Variants in SRP72 observed in about 807,000 individuals in gnomAD.
SRP72 encodes the protein signal recognition particle 72.
In SRP72, 49 loss-of-function variants were observed where a neutral mutation model predicts 96.3. The ratio of observed to expected loss-of-function variants is 0.51; its 90% confidence interval spans 0.40 to 0.65. The LOEUF is 0.65. Among genes scored for constraint, SRP72 ranks in the 30% least tolerant of loss-of-function variants. The pLI is 0.00. For missense variants in SRP72, 736 were observed against 793.3 expected, an observed-to-expected ratio of 0.93 and a Z score of 0.87; for synonymous variants, 267 against 275.2, an observed-to-expected ratio of 0.97 and a Z score of 0.30.
intron 11 of SRP72, among the ~76,000 whole-genome samples, chr4:56,487,552 C>T (rs943488258): frequency 1.3e-5 from 2 of 152,036 alleles, no homozygotes; most frequent in African/African-American, 4.8e-5. Flanking sequence ...GAATTTAACA[C>T]CATAGGAAAT....
At chr4:56,470,537 C>CA (rs753714537) in intron 2 of SRP72, among the ~76,000 whole-genome samples, 50,713 of 129,582 alleles carry the variant, frequency 0.39, 9,149 homozygotes, top group East Asian at 0.67. Context: ...GACTCCGTCT[C>CA]AAAAAAAAAA....
chr4:56,493,685 T>G (rs918292486), intron 16 of SRP72, among the ~76,000 whole-genome samples: 1 of 151,886 alleles, frequency 6.6e-6, no homozygotes, highest in Non-Finnish European at 1.5e-5. Context: ...GACAACATGG[T>G]GAAACCCCCA....
intron 13 of SRP72, 114 bp from the exon 14 acceptor site, chr4:56,490,219 A>C: frequency 1.3e-6 from 1 of 748,476 alleles, no homozygotes. Flanking sequence ...AGTGAAACTT[A>C]AGATGAGGGA....
chr4:56,488,353 T>G (rs1720791923), intron 12 of SRP72, among the ~76,000 whole-genome samples: 1 of 152,238 alleles, frequency 6.6e-6, no homozygotes, highest in African/African-American at 2.4e-5. Flanking sequence ...CCAACAAATT[T>G]AGTTTTTAGT....
chr4:56,467,773 G>GGCAGGGGGGGGGC, intron 1 of SRP72, 29 bp downstream of exon 1: 2 of 1,078,594 alleles, frequency 1.9e-6, no homozygotes, highest in Non-Finnish European at 2.6e-6. Context: ...ACTGGGGCGG[G>GGCAGGGGGGGGGC]CCCAGGCCGG....
intron 5 of SRP72, 144 bp from the exon 6 acceptor site, chr4:56,476,527 A>G: frequency 1.3e-6 from 1 of 781,130 alleles, no homozygotes; most frequent in Non-Finnish European, 2.1e-6. Context: ...AGTATATTTG[A>G]TGCTAATGTA....
chr4:56,496,214 AG>A (rs1264859988), intron 17 of SRP72, among the ~76,000 whole-genome samples: 3 of 152,204 alleles, frequency 2.0e-5, no homozygotes, highest in African/African-American at 7.2e-5. Flanking sequence ...CATATAAATC[AG>A]GTTATTTCTT....
intron 1 of SRP72, among the ~76,000 whole-genome samples, chr4:56,468,638 C>G (rs1719848078): frequency 6.6e-6 from 1 of 152,006 alleles, no homozygotes; most frequent in Non-Finnish European, 1.5e-5. Context: ...GCAAAGCTAT[C>G]TAAGTAATTT....
intron 17 of SRP72, among the ~76,000 whole-genome samples, chr4:56,498,636 CAGAG>C (rs1721158826): frequency 6.6e-6 from 1 of 152,096 alleles, no homozygotes. Flanking sequence ...AGTAGACAAG[CAGAG>C]AGCCAAATCA....
At chr4:56,481,184 C>A (rs760884532) in intron 8 of SRP72, among the ~76,000 whole-genome samples, 6 of 152,284 alleles carry the variant, frequency 3.9e-5, no homozygotes, top group African/African-American at 7.2e-5. Context: ...AAAGTAGTTT[C>A]AAATTGGTTT....
chr4:56,489,600 T>C (rs1720836706), intron 13 of SRP72, 117 bp downstream of exon 13: 1 of 496,356 alleles, frequency 2.0e-6, no homozygotes, highest in African/African-American at 2.0e-5. Context: ...AGTGGAATAC[T>C]ATTTAGATTA....
At chr4:56,476,829 G>A (rs896191899) in intron 6 of SRP72, 127 bp downstream of exon 6, 2 of 891,186 alleles carry the variant, frequency 2.2e-6, no homozygotes, top group Non-Finnish European at 3.4e-6. Flanking sequence ...AATCACACTA[G>A]AAACCACCCT....
rs1484305801 is a variant in SRP72 at position 56,502,130 on chromosome 4, GT to G, written c.*270del. The stretch of plus-strand genomic sequence containing the variant: ...GGTATCTGTTGTATCCTTTATCTGT[GT>G]GTGCTGATTTGATCTTTTTTCAGTT... On this transcript the variant is annotated 3_prime_UTR_variant, in exon 19 of 19. Coordinates refer to ENST00000642900, the MANE Select transcript of SRP72 (RefSeq NM_006947.4). The G allele has an allele frequency of 8.1e-6, 3 of 370,080 alleles. No homozygotes were observed. Among genetic ancestry groups the G allele is most frequent in the African/African-American group, 6.3e-5 (3 of 47,936 alleles). 22.9% of individuals were successfully genotyped at this position (370,080 alleles called of 1,614,324 possible). A position where few individuals can be genotyped will look rare whatever the true frequency, so the allele number is the denominator to read the frequency against.
At chr4:56,477,542 C>T (rs180674255) in intron 6 of SRP72, among the ~76,000 whole-genome samples, 1 of 152,170 alleles carries the variant, frequency 6.6e-6, no homozygotes, top group Non-Finnish European at 1.5e-5. Flanking sequence ...ACCCTCCCAC[C>T]TCAGCCTCCT....
chr4:56,491,555 C>T lies in SRP72; in HGVS notation c.1627C>T (p.Pro543Ser). 6.2e-7 allele frequency: 1 copy of T among 1,613,550 alleles called. No homozygotes were observed. Among genetic ancestry groups the T allele is most frequent in the Non-Finnish European group, 8.5e-7 (1 of 1,179,714 alleles). The stretch of plus-strand genomic sequence containing the variant: ...TGGAAAAGTTACTGGAGATAGTCAA[C>T]CAAAGGAACAAGGGTAATATTTTTC... ...KGGKVTGDSQ[P>S]KEQGQGDLKK... Residue 543 changes from proline to serine, a missense_variant, in exon 16 of 19, where the codon CCA (proline) becomes TCA (serine). By Grantham distance (74) the Pro-to-Ser change is moderately conservative. Transcript: ENST00000642900.
chr4:56,498,663 C>T (rs946693955), intron 17 of SRP72, among the ~76,000 whole-genome samples: 7 of 152,194 alleles, frequency 4.6e-5, no homozygotes, highest in South Asian at 2.1e-4. Flanking sequence ...AGTGAACTCC[C>T]GTTCACAATT....
At position 56,502,096 on chromosome 4, in the gene SRP72, A is replaced by C. The variant is rs1475592216; in HGVS notation, c.*235A>C. 21 of 484,336 alleles carry C rather than the reference A, an allele frequency of 4.3e-5. No individual in the cohort carries two copies. The highest frequency in any genetic ancestry group is 7.6e-5 in the Non-Finnish European group (20 of 263,044). 30.0% of individuals were successfully genotyped at this position (484,336 alleles called of 1,614,324 possible). A position where few individuals can be genotyped will look rare whatever the true frequency, so the allele number is the denominator to read the frequency against. On this transcript the variant is annotated 3_prime_UTR_variant, in exon 19 of 19. Coordinates refer to ENST00000642900, the MANE Select transcript of SRP72 (RefSeq NM_006947.4). Reference sequence around the variant, plus strand: ...GAGGACTGAAAATAATTGGGCATTTACCCATCTTGGTATCTGTTGTATCCT... The same window carrying C: ...GAGGACTGAAAATAATTGGGCATTTCCCCATCTTGGTATCTGTTGTATCCT...
intron 13 of SRP72, among the ~76,000 whole-genome samples, chr4:56,489,940 C>T (rs996036536): frequency 6.6e-6 from 1 of 152,074 alleles, no homozygotes. Flanking sequence ...ATTATACATA[C>T]GCTGTGCAGG....
chr4:56,502,961 AT>A lies in SRP72; in HGVS notation c.*1102del, dbSNP rs1721319742. 1 of 152,210 alleles carries A rather than the reference AT, an allele frequency of 6.6e-6. No homozygotes were observed. The highest frequency in any genetic ancestry group is 1.5e-5 in the Non-Finnish European group (1 of 68,026). 9.4% of individuals were successfully genotyped at this position (152,210 alleles called of 1,614,324 possible). The stretch of plus-strand genomic sequence containing the variant: ...CATTGAACAGCTGTGAGACAGACAT[AT>A]TGAGATGCCTGCCCTTGTTAGTATT... On this transcript the variant is annotated 3_prime_UTR_variant, in exon 19 of 19. Coordinates refer to ENST00000642900, the MANE Select transcript of SRP72 (RefSeq NM_006947.4).
Sources: gnomAD v4.1 joint callset for allele counts (sites outside exome capture counted in the v4.1 genomes callset) on GRCh38, gnomAD v4.1.1 for gene constraint, MANE v1.5 for transcripts, NCBI Gene and HGNC (gene_info 2026-07-23, HGNC 2026-07-21) for gene names.